Variants in CGNL1 observed in about 807,000 individuals in gnomAD.
CGNL1 encodes the protein cingulin like 1, also known as cingulin-like protein 1.
A neutral mutation model predicts 141.2 loss-of-function variants in CGNL1; 132 were observed. The ratio of observed to expected loss-of-function variants is 0.93; its 90% CI spans 0.81 to 1.08. The LOEUF is 1.08. CGNL1 is among the 50% of genes least tolerant of loss of function. The probability of loss-of-function intolerance (pLI) is 0.00; values close to 1 mark genes in which losing one functional copy is unlikely to be tolerated. For synonymous variants in CGNL1, 690 were observed against 622.1 expected, an observed-to-expected ratio of 1.11 and a Z score of -1.63; for missense variants, 1,870 against 1,588.6, an observed-to-expected ratio of 1.18 and a Z score of -3.01.
Position 57,439,617 on chromosome 15 carries a change from T to C in CGNL1, c.1602+16T>C. 1 of 1,603,392 alleles carries C rather than the reference T, an allele frequency of 6.2e-7. No homozygotes were observed. The highest frequency in any genetic ancestry group is 1.1e-5 in the South Asian group (1 of 90,328). ...AAATACTCAGGTAACACTAGTGCGA[T>C]TCCTGTTTGGTTTTTTTTCTCTTCC... On this transcript the variant is annotated intron_variant, in intron 2 of 18. Coordinates refer to ENST00000281282, the MANE Select transcript of CGNL1 (RefSeq NM_032866.5).
chr15:57,414,723 G>A (rs1328506039), intron 1 of CGNL1, among the ~76,000 whole-genome samples: 2 of 152,042 alleles, frequency 1.3e-5, no homozygotes, highest in African/African-American at 2.4e-5. Context: ...TTGCTTTCAC[G>A]TCTCATCCAC....
intron 8 of CGNL1, among the ~76,000 whole-genome samples, chr15:57,480,585 TTGTC>T (rs1346583178): frequency 6.6e-6 from 1 of 152,146 alleles, no homozygotes; most frequent in Non-Finnish European, 1.5e-5. Context: ...CAACCATCAT[TTGTC>T]TGTGGGGGAA....
chr15:57,514,630 C>A (rs969134116), intron 8 of CGNL1, among the ~76,000 whole-genome samples: 1 of 152,034 alleles, frequency 6.6e-6, no homozygotes, highest in Admixed American at 6.5e-5. Context: ...TTTATCTGTT[C>A]GTTCTTTTGT....
At chr15:57,448,264 C>T (rs1316385657) in intron 4 of CGNL1, among the ~76,000 whole-genome samples, 2 of 151,824 alleles carry the variant, frequency 1.3e-5, no homozygotes, top group East Asian at 3.9e-4. Context: ...GAGCTGTGAT[C>T]CAGTGAGTTC....
chr15:57,539,906 T>C (rs2172607), intron 14 of CGNL1, among the ~76,000 whole-genome samples: 30,616 of 152,210 alleles, frequency 0.2, 3,546 homozygotes, highest in East Asian at 0.49. Context: ...CAGATGGGGA[T>C]GTTAACACTG....
chr15:57,470,256 C>CTCTTTTT lies in CGNL1; in HGVS notation c.2403+8365_2403+8366insCTTTTTT, dbSNP rs758575367. Among the ~76,000 whole-genome samples, 46 of 113,958 alleles carry CTCTTTTT rather than the reference C, an allele frequency of 4.0e-4. 1 individual carries two copies. The highest frequency in any genetic ancestry group is 1.1e-3 in the Admixed American group (11 of 10,042). 74.8% of individuals were successfully genotyped at this position (113,958 alleles called of 152,430 possible). A position where few individuals can be genotyped will look rare whatever the true frequency, so the allele number is the denominator to read the frequency against. On this transcript the variant is annotated intron_variant, in intron 8 of 18. Coordinates refer to ENST00000281282, the MANE Select transcript of CGNL1 (RefSeq NM_032866.5). Reference sequence around the variant, plus strand: ...AAAAGATCTCTTTTTTTTTGTCTCTCTTTTTTTTTTTTTTTGCCTGCCCCA... The same window carrying CTCTTTTT: ...AAAAGATCTCTTTTTTTTTGTCTCTCTCTTTTTTTTTTTTTTTTTTTTGCCTGCCCCA...
At chr15:57,509,090 G>A (rs1276448160) in intron 8 of CGNL1, among the ~76,000 whole-genome samples, 1 of 152,154 alleles carries the variant, frequency 6.6e-6, no homozygotes, top group East Asian at 1.9e-4. Flanking sequence ...AGGAAGGGAC[G>A]CATTATTGTG....
At chr15:57,454,009 T>G (rs2063351309) in intron 7 of CGNL1, among the ~76,000 whole-genome samples, 191 bp downstream of exon 7, 1 of 152,168 alleles carries the variant, frequency 6.6e-6, no homozygotes, top group Admixed American at 6.5e-5. Context: ...TTATTATGGG[T>G]TTTTATTATG....
chr15:57,438,898 C>A lies in CGNL1; in HGVS notation c.899C>A (p.Ser300Tyr). The A allele has an allele frequency of 6.2e-7, 1 of 1,614,192 alleles. No individual in the cohort carries two copies. The highest frequency in any genetic ancestry group is 8.5e-7 in the Non-Finnish European group (1 of 1,180,026). ...GARSRRSSSSSTTPTSANSLY... is the reference protein window; with the variant it reads ...GARSRRSSSSYTTPTSANSLY... The stretch of plus-strand genomic sequence containing the variant: ...CGGTCCCGGAGGTCCTCCTCGTCAT[C>A]CACAACTCCCACGTCAGCCAACTCT... The change falls in exon 2 of 19, where the codon TCC becomes TAC. Residue 300 changes from serine (S) to tyrosine (Y), a missense_variant. By Grantham distance (144) the Ser-to-Tyr change is moderately radical. Transcript: ENST00000281282.
In CGNL1 at chr15:57,376,585, T is replaced by G. The variant is rs1422421996; in HGVS notation, c.-16+18T>G. On this transcript the variant is annotated intron_variant, in intron 1 of 18. Coordinates refer to ENST00000281282, the MANE Select transcript of CGNL1 (RefSeq NM_032866.5). ...CGGCGGCGGTGAGTGAGCTCCGGGCTGGAGCGGGGCGGGGTGTGCGCCGGC... is the reference window on the plus strand; with the variant it reads ...CGGCGGCGGTGAGTGAGCTCCGGGCGGGAGCGGGGCGGGGTGTGCGCCGGC... The G allele has an allele frequency of 6.5e-6, 1 of 153,460 alleles. No homozygotes were observed. The highest frequency in any genetic ancestry group is 1.5e-5 in the Non-Finnish European group (1 of 68,902). 9.5% of individuals were successfully genotyped at this position (153,460 alleles called of 1,614,324 possible).
At chr15:57,418,166 G>T (rs950969641) in intron 1 of CGNL1, among the ~76,000 whole-genome samples, 1 of 152,160 alleles carries the variant, frequency 6.6e-6, no homozygotes, top group African/African-American at 2.4e-5. Context: ...GTGGATCAGG[G>T]ATGCTGGGTT....
In CGNL1 at chr15:57,438,759, G is replaced by C. The variant is rs770113443; in HGVS notation, c.760G>C (p.Gly254Arg). ...GGGAGAGGAGGCCCTTTTCACTAGCGGGAGGCCCCTGACTGCCCACAGCCC... is the reference window on the plus strand; with the variant it reads ...GGGAGAGGAGGCCCTTTTCACTAGCCGGAGGCCCCTGACTGCCCACAGCCC... Reference protein sequence around the residue: ...RVGEEALFTSGRPLTAHSPHA... With the variant: ...RVGEEALFTSRRPLTAHSPHA... The change falls in exon 2 of 19, where the codon GGG becomes CGG. Residue 254 changes from glycine to arginine, a missense_variant. Gly to Arg is a moderately radical substitution (Grantham distance 125). Coordinates refer to ENST00000281282, the MANE Select transcript of CGNL1 (RefSeq NM_032866.5). 5 of 1,614,070 alleles carry C rather than the reference G, an allele frequency of 3.1e-6. No individual in the cohort carries two copies. Among genetic ancestry groups the C allele is most frequent in the Non-Finnish European group, 4.2e-6 (5 of 1,180,018 alleles).
intron 10 of CGNL1, among the ~76,000 whole-genome samples, chr15:57,520,364 A>C (rs553878832): frequency 5.3e-5 from 8 of 152,356 alleles, no homozygotes; most frequent in Admixed American, 2.6e-4. Context: ...TGAGGAAAGA[A>C]AAAAGTAACT....
At chr15:57,377,264 T>A (rs915664088) in intron 1 of CGNL1, 2 of 152,246 alleles carry the variant, frequency 1.3e-5, no homozygotes, top group Admixed American at 1.3e-4. Flanking sequence ...CCCTCCCGAC[T>A]CTGCTTATGC....
intron 8 of CGNL1, among the ~76,000 whole-genome samples, chr15:57,498,109 C>T (rs537307279): frequency 6.6e-6 from 1 of 152,282 alleles, no homozygotes; most frequent in Admixed American, 6.5e-5. Context: ...TTACCCGTCT[C>T]ACCCAAATAG....
chr15:57,461,203 T>C (rs1329061512), intron 7 of CGNL1, among the ~76,000 whole-genome samples: 1 of 152,068 alleles, frequency 6.6e-6, no homozygotes, highest in East Asian at 1.9e-4. Flanking sequence ...GCAAATGAGA[T>C]AGAAGAAAAA....
chr15:57,484,711 C>T (rs996357230), intron 8 of CGNL1, among the ~76,000 whole-genome samples: 3 of 152,060 alleles, frequency 2.0e-5, no homozygotes, highest in Admixed American at 6.6e-5. Context: ...GAGCTTCCTC[C>T]CCTTACCCCC....
chr15:57,527,175 TA>T (rs1457264764), intron 12 of CGNL1: 1 of 152,218 alleles, frequency 6.6e-6, no homozygotes, highest in Non-Finnish European at 1.5e-5. Flanking sequence ...TCTGTCATGG[TA>T]ACCACTAAAA....
rs566502694 is a variant in CGNL1, at chr15:57,549,932, G to T, written c.*2442G>T. 6.6e-6 allele frequency: 1 copy of T among 152,188 alleles called. No individual in the cohort carries two copies. The highest frequency in any genetic ancestry group is 1.9e-4 in the East Asian group (1 of 5,198). 9.4% of individuals were successfully genotyped at this position (152,188 alleles called of 1,614,324 possible). On this transcript the variant is annotated 3_prime_UTR_variant, in exon 19 of 19. Coordinates refer to ENST00000281282, the MANE Select transcript of CGNL1 (RefSeq NM_032866.5). ...CCTCAGCCCACTCATACCTAGAGACGCTGCTGGGGAAGGTCAGCACACCCA... is the reference window on the plus strand; with the variant it reads ...CCTCAGCCCACTCATACCTAGAGACTCTGCTGGGGAAGGTCAGCACACCCA...
Sources: allele counts gnomAD v4.1 joint callset (sites outside exome capture counted in the v4.1 genomes callset), GRCh38; gene constraint gnomAD v4.1.1; transcripts MANE v1.5; gene names NCBI Gene and HGNC (gene_info 2026-07-23, HGNC 2026-07-21).